The following DNAJC6 variants were observed in gnomAD, a reference collection of about 807,000 sequenced individuals.
DNAJC6 encodes auxilin.
In DNAJC6, 34 loss-of-function variants were observed where a neutral mutation model predicts 110.0. The ratio of observed to expected loss-of-function variants is 0.31; its 90% CI spans 0.24 to 0.41. The LOEUF (loss-of-function observed/expected upper bound fraction) is 0.41. Among genes scored for constraint, DNAJC6 ranks in the 10% least tolerant of loss-of-function variants. The pLI is 1.00. For synonymous variants in DNAJC6, 406 were observed against 437.2 expected (o/e 0.93, Z 0.89); for missense variants, 1,031 against 1,207.8 (o/e 0.85, Z 2.17).
At chr1:65,291,029 T>C (rs781458843) in intron 1 of DNAJC6, among the ~76,000 whole-genome samples, 8 of 152,206 alleles carry the variant, frequency 5.3e-5, no homozygotes, top group Non-Finnish European at 8.8e-5. Context: ...TTTCAAATTA[T>C]TGAATTTTTT....
intron 1 of DNAJC6, among the ~76,000 whole-genome samples, chr1:65,310,313 C>T (rs1464060880): frequency 6.6e-6 from 1 of 152,046 alleles, no homozygotes; most frequent in Admixed American, 6.6e-5. Context: ...CTTTCACTGC[C>T]CAGCTGGATG....
chr1:65,393,038 T>G (rs1434887155), intron 12 of DNAJC6, among the ~76,000 whole-genome samples, 173 bp downstream of exon 12: 3 of 152,190 alleles, frequency 2.0e-5, no homozygotes, highest in African/African-American at 7.2e-5. Flanking sequence ...ATAGAAATAT[T>G]GTCCATTTGG....
At chr1:65,387,929 G>T (rs1402972080) in intron 8 of DNAJC6, among the ~76,000 whole-genome samples, 1 of 152,204 alleles carries the variant, frequency 6.6e-6, no homozygotes, top group Admixed American at 6.5e-5. Flanking sequence ...TACCATATTA[G>T]AGGGAGGATG....
chr1:65,327,119 C>T (rs959360770), intron 1 of DNAJC6, among the ~76,000 whole-genome samples: 1 of 151,998 alleles, frequency 6.6e-6, no homozygotes, highest in Non-Finnish European at 1.5e-5. Flanking sequence ...GACATTAGTG[C>T]TGGCTTTGCA....
chr1:65,349,973 T>C (rs1645476032), intron 1 of DNAJC6, among the ~76,000 whole-genome samples: 1 of 152,168 alleles, frequency 6.6e-6, no homozygotes, highest in Non-Finnish European at 1.5e-5. Context: ...CTAGGGATGC[T>C]GCCAAAAGTT....
chr1:65,294,849 A>G (rs1570233284), intron 1 of DNAJC6, among the ~76,000 whole-genome samples: 1 of 152,204 alleles, frequency 6.6e-6, no homozygotes. Context: ...TGTTCTCTGT[A>G]CAATATAGAG....
Position 65,344,485 on chromosome 1 carries a change from T to C in DNAJC6, c.194-20150T>C, listed in dbSNP as rs575373781. 1.3e-4 allele frequency among the ~76,000 whole-genome samples: 20 copies of C among 152,178 alleles called. 1 individual carries two copies. In the East Asian group the frequency reaches 3.9e-3, roughly 29 times the overall value. Reference sequence around the variant, plus strand: ...TTGGGCAGCTAGTGTGCCAGGGAAATAATTATCTGTCTCCTTAGCAACCCC... The same window carrying C: ...TTGGGCAGCTAGTGTGCCAGGGAAACAATTATCTGTCTCCTTAGCAACCCC... On this transcript the variant is annotated intron_variant, in intron 1 of 18. Transcript: ENST00000371069.
intron 11 of DNAJC6, among the ~76,000 whole-genome samples, chr1:65,390,642 C>T (rs942240939): frequency 6.6e-6 from 1 of 152,170 alleles, no homozygotes; most frequent in African/African-American, 2.4e-5. Flanking sequence ...GGGAAACTGG[C>T]TATGGTATGG....
At chr1:65,302,125 A>ATACGTATTATAT (rs1557508056) in intron 1 of DNAJC6, among the ~76,000 whole-genome samples, 2 of 20,726 alleles carry the variant, frequency 9.6e-5, no homozygotes, top group African/African-American at 6.3e-4. Context: ...TATATATATA[A>ATACGTATTATAT]AAAATATATA....
At chr1:65,364,595 T>C (rs367592649) in intron 1 of DNAJC6, 40 bp from the exon 2 acceptor site, 2 of 1,576,798 alleles carry the variant, frequency 1.3e-6, no homozygotes, top group Non-Finnish European at 1.7e-6. Context: ...TTCTCTGCCA[T>C]CACCATTTTT....
At chr1:65,284,162 C>G (rs1330542706) in intron 1 of DNAJC6, among the ~76,000 whole-genome samples, 1 of 152,158 alleles carries the variant, frequency 6.6e-6, no homozygotes, top group Non-Finnish European at 1.5e-5. Context: ...CCTGGGCAGT[C>G]CTTTCCTTTA....
At chr1:65,329,353 A>G (rs1337358294) in intron 1 of DNAJC6, among the ~76,000 whole-genome samples, 1 of 152,176 alleles carries the variant, frequency 6.6e-6, no homozygotes, top group Non-Finnish European at 1.5e-5. Flanking sequence ...ATATTGTGCT[A>G]TGTGCTTGAT....
At chr1:65,332,569 C>T (rs1335591199) in intron 1 of DNAJC6, among the ~76,000 whole-genome samples, 1 of 152,216 alleles carries the variant, frequency 6.6e-6, no homozygotes, top group Non-Finnish European at 1.5e-5. Context: ...AATTTTTGGA[C>T]AGGCCTCAAT....
intron 1 of DNAJC6, among the ~76,000 whole-genome samples, chr1:65,288,325 G>C (rs1654087897): frequency 6.6e-6 from 1 of 152,122 alleles, no homozygotes; most frequent in African/African-American, 2.4e-5. Context: ...AGTTTTAAAA[G>C]GTTTGAAAGA....
exon 1 of DNAJC6, chr1:65,264,923 G>GA: frequency 3.1e-6 from 5 of 1,613,368 alleles, no homozygotes; most frequent in Non-Finnish European, 4.2e-6. Flanking sequence ...GAAAGATTCT[G>GA]AAAATAAAGG....
rs766644955 is a variant in DNAJC6 at position 65,394,945 on chromosome 1, G to T, written c.1951G>T (p.Asp651Tyr). Residue 651 changes from aspartate (D) to tyrosine (Y), a missense_variant, in exon 13 of 19, where the codon GAT (aspartate) becomes TAT (tyrosine). By Grantham distance (160) the Asp-to-Tyr change is radical. Transcript: ENST00000371069. ...AGCACCTTCTAAACCATCAGGTCAG[G>T]ATTTGCTGGGTTCTTTTCTGAACAC... ...FGAPSKPSGQ[D>Y]LLGSFLNTSS... The T allele has an allele frequency of 9.3e-6, 15 of 1,611,708 alleles. No individual in the cohort carries two copies. The highest frequency in any genetic ancestry group is 1.3e-5 in the Non-Finnish European group (15 of 1,179,320).
intron 1 of DNAJC6, among the ~76,000 whole-genome samples, chr1:65,286,639 T>C (rs979221642): frequency 6.6e-6 from 1 of 152,176 alleles, no homozygotes; most frequent in Non-Finnish European, 1.5e-5. Flanking sequence ...ACAGAAAAGA[T>C]GGTAGGAGTG....
intron 1 of DNAJC6, among the ~76,000 whole-genome samples, chr1:65,290,786 AAGTC>A (rs1452269903): frequency 6.6e-6 from 1 of 152,250 alleles, no homozygotes; most frequent in Non-Finnish European, 1.5e-5. Flanking sequence ...TATTATTAAA[AAGTC>A]AGCTATTAGC....
intron 1 of DNAJC6, among the ~76,000 whole-genome samples, chr1:65,272,706 A>G (rs1284467599): frequency 1.4e-5 from 2 of 147,722 alleles, no homozygotes; most frequent in African/African-American, 5.0e-5. Flanking sequence ...TTGTTTGTTT[A>G]TTTATTTTAC....
Sources: allele counts gnomAD v4.1 joint callset (sites outside exome capture counted in the v4.1 genomes callset), GRCh38; gene constraint gnomAD v4.1.1; transcripts MANE v1.5; gene names NCBI Gene and HGNC (gene_info 2026-07-23, HGNC 2026-07-21).